Variants in OR1J2 observed in about 807,000 individuals in gnomAD.
OR1J2 encodes olfactory receptor 1J2.
For synonymous variants in OR1J2, 142 were observed against 99.7 expected (o/e 1.42, Z -2.52); for missense variants, 304 against 246.1 (o/e 1.24, Z -1.57).
At chr9:122,490,436 C>T in the OR1J2 span, among the ~76,000 whole-genome samples, 3 of 152,248 alleles carry the variant, frequency 2.0e-5, no homozygotes, top group African/African-American at 4.8e-5. Context: ...TTGCCATTTA[C>T]GTGGGATAAA....
the OR1J2 span, among the ~76,000 whole-genome samples, chr9:122,481,641 G>C: frequency 4.9e-4 from 74 of 152,090 alleles, no homozygotes; most frequent in Non-Finnish European, 9.3e-4. Flanking sequence ...GTAAATAAAA[G>C]TTAAAACAAT....
At chr9:122,542,013 T>C in the OR1J2 span, among the ~76,000 whole-genome samples, 3 of 152,202 alleles carry the variant, frequency 2.0e-5, no homozygotes, top group Non-Finnish European at 4.4e-5. Flanking sequence ...TCAGAGGTAA[T>C]TGCTTTGTGA....
the OR1J2 span, among the ~76,000 whole-genome samples, chr9:122,562,599 C>G: frequency 6.6e-5 from 10 of 151,764 alleles, no homozygotes; most frequent in Middle Eastern, 3.2e-3. Context: ...AGGTGGGCTG[C>G]CACACCACAC....
chr9:122,511,375 A>G lies in OR1J2; in HGVS notation c.574A>G (p.Ile192Val), dbSNP rs142973651. Reference sequence around the variant, plus strand: ...CCTGCTCAAGCTGTCCTGCTCAGATATCTTCCTCAATGAGCTGGTCATGTT... The same window carrying G: ...CCTGCTCAAGCTGTCCTGCTCAGATGTCTTCCTCAATGAGCTGGTCATGTT... ...AALLKLSCSD[I>V]FLNELVMFTV... is the part of the protein sequence containing the mutation. Residue 192 changes from isoleucine (I) to valine (V), a missense_variant, in exon 1 of 1, where the codon ATC becomes GTC. Coordinates refer to ENST00000335302, the MANE Select transcript of OR1J2 (RefSeq NM_054107.1). 4.0e-6 allele frequency: 3 copies of G among 744,482 alleles called. No homozygotes were observed. Among genetic ancestry groups the G allele is most frequent in the Non-Finnish European group, 7.5e-6 (3 of 400,716 alleles). 46.1% of individuals were successfully genotyped at this position (744,482 alleles called of 1,614,324 possible).
chr9:122,578,683 T>TAAGTA, the OR1J2 span, among the ~76,000 whole-genome samples: 14 of 151,964 alleles, frequency 9.2e-5, no homozygotes, highest in Admixed American at 8.5e-4. Context: ...ACAATTTTCC[T>TAAGTA]AAGTAAAGTA....
At chr9:122,520,331 T>A in the OR1J2 span, among the ~76,000 whole-genome samples, 1 of 152,246 alleles carries the variant, frequency 6.6e-6, no homozygotes, top group Non-Finnish European at 1.5e-5. Flanking sequence ...TTCATTTTAT[T>A]TCCTGGAAAT....
chr9:122,558,464 G>A, the OR1J2 span, among the ~76,000 whole-genome samples: 8 of 151,300 alleles, frequency 5.3e-5, no homozygotes, highest in African/African-American at 1.7e-4. Flanking sequence ...TTTGACAAAT[G>A]CTTTCTGGGC....
the OR1J2 span, among the ~76,000 whole-genome samples, chr9:122,491,561 TAAC>T: frequency 5.3e-5 from 8 of 151,918 alleles, no homozygotes; most frequent in Admixed American, 2.0e-4. Flanking sequence ...AGACATCAAA[TAAC>T]AACCAGAGAT....
At chr9:122,510,792 G>A (rs1331904221), upstream of OR1J2, 5 of 1,443,696 alleles carry the variant, frequency 3.5e-6, no homozygotes, top group East Asian at 2.3e-5. Flanking sequence ...CCATCAGAGG[G>A]CAAAGGAGTA....
the OR1J2 span, among the ~76,000 whole-genome samples, chr9:122,537,314 A>G: frequency 1.3e-5 from 2 of 152,252 alleles, no homozygotes; most frequent in Non-Finnish European, 2.9e-5. Context: ...GTTCTAAGTC[A>G]TGAGTTGATT....
chr9:122,567,576 A>G, the OR1J2 span: 3 of 1,598,364 alleles, frequency 1.9e-6, no homozygotes, highest in African/African-American at 2.7e-5. Flanking sequence ...AAGCTTCCTC[A>G]GGCCCTGTTT....
At chr9:122,484,458 C>A in the OR1J2 span, among the ~76,000 whole-genome samples, 3 of 152,022 alleles carry the variant, frequency 2.0e-5, no homozygotes, top group East Asian at 5.8e-4. Flanking sequence ...CTGCGCCTGG[C>A]GAATAATTTT....
chr9:122,532,338 A>G, the OR1J2 span, among the ~76,000 whole-genome samples: 1 of 152,156 alleles, frequency 6.6e-6, no homozygotes, highest in Non-Finnish European at 1.5e-5. Context: ...GTGCTATAGC[A>G]TAGCCTGCCT....
At chr9:122,512,153 G>A (rs1828649306), downstream of OR1J2, among the ~76,000 whole-genome samples, 1 of 152,166 alleles carries the variant, frequency 6.6e-6, no homozygotes, top group South Asian at 2.1e-4. Flanking sequence ...GGTATCATTA[G>A]TGAAGTAGTG....
the OR1J2 span, among the ~76,000 whole-genome samples, chr9:122,458,772 G>A: frequency 6.6e-6 from 1 of 152,158 alleles, no homozygotes; most frequent in South Asian, 2.1e-4. Flanking sequence ...CATGGGGGGT[G>A]TTGCTTTTGT....
At chr9:122,555,379 C>G in the OR1J2 span, among the ~76,000 whole-genome samples, 1 of 152,168 alleles carries the variant, frequency 6.6e-6, no homozygotes, top group South Asian at 2.1e-4. Context: ...AATGAGACAA[C>G]TAAGGAAACC....
the OR1J2 span, among the ~76,000 whole-genome samples, chr9:122,560,521 G>A: frequency 1.2e-4 from 18 of 152,072 alleles, no homozygotes; most frequent in African/African-American, 4.1e-4. Context: ...AGGCAGGCCT[G>A]GTGGTGACAA....
chr9:122,529,383 C>T, the OR1J2 span, among the ~76,000 whole-genome samples: 1 of 152,180 alleles, frequency 6.6e-6, no homozygotes, highest in East Asian at 1.9e-4. Context: ...TTCAAAGGGA[C>T]AGTAAGTTAT....
chr9:122,450,708 G>A, the OR1J2 span, among the ~76,000 whole-genome samples: 2 of 152,122 alleles, frequency 1.3e-5, no homozygotes, highest in Non-Finnish European at 2.9e-5. Context: ...CCTGTTGAAC[G>A]GAAACTATGT....
Sources: gnomAD v4.1 joint callset for allele counts (sites outside exome capture counted in the v4.1 genomes callset) on GRCh38, gnomAD v4.1.1 for gene constraint, MANE v1.5 for transcripts, NCBI Gene and HGNC (gene_info 2026-07-23, HGNC 2026-07-21) for gene names.